Variants in RANBP17 observed in about 807,000 individuals in gnomAD.
RANBP17 encodes RAN binding protein 17.
A neutral mutation model predicts 141.2 loss-of-function variants in RANBP17; 158 were observed. The observed-to-expected ratio is 1.12, with a 90% confidence interval of 0.98 to 1.28. The LOEUF (loss-of-function observed/expected upper bound fraction) is 1.28, where lower values mean the gene tolerates loss of function less well. RANBP17 is among the 50% of genes most tolerant of loss of function. The pLI is 0.00. For missense variants in RANBP17, 1,438 were observed against 1,290.7 expected, an observed-to-expected ratio of 1.11 and a Z score of -1.75; for synonymous variants, 430 against 450.0, an observed-to-expected ratio of 0.96 and a Z score of 0.56.
At chr5:171,285,628 T>TTA (rs1398670008) in intron 25 of RANBP17, among the ~76,000 whole-genome samples, 1 of 152,228 alleles carries the variant, frequency 6.6e-6, no homozygotes, top group African/African-American at 2.4e-5. Context: ...TCTGGTTTTA[T>TTA]TTTAATGCAG....
chr5:171,088,045 G>C (rs1473285296), intron 14 of RANBP17, among the ~76,000 whole-genome samples: 1 of 151,482 alleles, frequency 6.6e-6, no homozygotes, highest in Admixed American at 6.6e-5. Context: ...AGTTGATGCA[G>C]TTTCTTCCTA....
At chr5:171,001,674 A>G (rs892827949) in intron 14 of RANBP17, among the ~76,000 whole-genome samples, 1 of 152,164 alleles carries the variant, frequency 6.6e-6, no homozygotes, top group African/African-American at 2.4e-5. Context: ...TTAAAAGACC[A>G]TTAGCCCATT....
chr5:171,003,593 A>G (rs1275178422), intron 14 of RANBP17, among the ~76,000 whole-genome samples: 3 of 152,198 alleles, frequency 2.0e-5, no homozygotes, highest in Admixed American at 6.5e-5. Flanking sequence ...CCCTTGGAGA[A>G]TTAGTGTTGA....
chr5:171,146,122 T>C (rs922630512), intron 14 of RANBP17, among the ~76,000 whole-genome samples: 24 of 152,170 alleles, frequency 1.6e-4, no homozygotes, highest in African/African-American at 5.6e-4. Context: ...GCCTTGGGCA[T>C]TGGGGTGAGG....
chr5:171,206,645 T>G (rs984991950), intron 20 of RANBP17: 22 of 177,170 alleles, frequency 1.2e-4, no homozygotes, highest in African/African-American at 4.2e-4. Context: ...TAAATTGCAA[T>G]AGAAACTTCT....
intron 14 of RANBP17, among the ~76,000 whole-genome samples, chr5:171,041,785 G>A (rs1782264569): frequency 2.0e-5 from 3 of 151,994 alleles, no homozygotes; most frequent in South Asian, 4.2e-4. Flanking sequence ...AAGATGTACA[G>A]GTTTGTTACA....
Position 171,026,322 on chromosome 5 carries a change from G to C in RANBP17, c.1710+57945G>C, listed in dbSNP as rs547295296. ...ATGTGGGGAAACAGGCTCAGAGAAG[G>C]TATTTCACTTGCTCAGTGTACACAG... On this transcript the variant is annotated intron_variant, in intron 14 of 27. Transcript: ENST00000523189. 9.2e-4 allele frequency among the ~76,000 whole-genome samples: 140 copies of C among 152,258 alleles called. 1 individual carries two copies. Among genetic ancestry groups the C allele is most frequent in the African/African-American group, 3.3e-3 (135 of 41,538 alleles).
chr5:171,181,220 C>T (rs1033514649), intron 16 of RANBP17, among the ~76,000 whole-genome samples: 6 of 151,950 alleles, frequency 3.9e-5, no homozygotes, highest in South Asian at 2.1e-4. Context: ...TGGCCAGGCA[C>T]GGTGGATCAC....
At chr5:171,019,125 T>C (rs971862471) in intron 14 of RANBP17, among the ~76,000 whole-genome samples, 3 of 152,212 alleles carry the variant, frequency 2.0e-5, no homozygotes, top group Non-Finnish European at 4.4e-5. Flanking sequence ...TCGTGGTGGA[T>C]AAGTTTTTTG....
chr5:170,959,193 C>T (rs1210827214), intron 13 of RANBP17, among the ~76,000 whole-genome samples: 1 of 152,152 alleles, frequency 6.6e-6, no homozygotes, highest in Non-Finnish European at 1.5e-5. Context: ...CCAGTCATCC[C>T]TCATTATCAA....
chr5:171,122,475 A>C lies in RANBP17; in HGVS notation c.1711-47655A>C, dbSNP rs1756109404. 2.0e-5 allele frequency among the ~76,000 whole-genome samples: 3 copies of C among 152,342 alleles called. No individual in the cohort carries two copies. The South Asian group carries it at 6.2e-4, about 32-fold the overall frequency. ...TAAAGTATAAATACACATTGAATAG[A>C]GCTTCTAGGAAAAAACACTGGAATT... On this transcript the variant is annotated intron_variant, in intron 14 of 27. Coordinates refer to ENST00000523189, the MANE Select transcript of RANBP17 (RefSeq NM_022897.5).
intron 14 of RANBP17, among the ~76,000 whole-genome samples, chr5:171,134,093 A>G (rs541052619): frequency 6.6e-6 from 1 of 152,300 alleles, no homozygotes; most frequent in East Asian, 1.9e-4. Context: ...TCCTAAATGG[A>G]ATATGCTGTT....
chr5:171,114,180 A>C (rs1260428813), intron 14 of RANBP17, among the ~76,000 whole-genome samples: 3 of 152,136 alleles, frequency 2.0e-5, no homozygotes, highest in African/African-American at 7.2e-5. Flanking sequence ...CATGTACAAA[A>C]AGTTTGAGAA....
intron 14 of RANBP17, among the ~76,000 whole-genome samples, chr5:171,121,159 G>A (rs951226433): frequency 1.3e-5 from 2 of 152,236 alleles, no homozygotes; most frequent in Non-Finnish European, 2.9e-5. Flanking sequence ...AGCTGGTGTT[G>A]GGGCTATGGG....
At chr5:171,002,820 T>A (rs1473184141) in intron 14 of RANBP17, among the ~76,000 whole-genome samples, 1 of 151,766 alleles carries the variant, frequency 6.6e-6, no homozygotes, top group African/African-American at 2.4e-5. Context: ...TATGGGGAAA[T>A]GGAGTGAATG....
chr5:171,098,510 T>C (rs1185732696), intron 14 of RANBP17, among the ~76,000 whole-genome samples: 2 of 152,240 alleles, frequency 1.3e-5, no homozygotes, highest in Admixed American at 6.5e-5. Context: ...TAAATTTGTT[T>C]AAGTTCTTTG....
At chr5:171,211,342 A>G (rs1051537855) in intron 20 of RANBP17, among the ~76,000 whole-genome samples, 1 of 151,408 alleles carries the variant, frequency 6.6e-6, no homozygotes, top group African/African-American at 2.4e-5. Flanking sequence ...GCTCACTGCA[A>G]CCTCCGCCTC....
At chr5:171,162,995 A>G (rs1759454770) in intron 14 of RANBP17, among the ~76,000 whole-genome samples, 1 of 152,228 alleles carries the variant, frequency 6.6e-6, no homozygotes, top group Non-Finnish European at 1.5e-5. Flanking sequence ...GTGGGTTCAG[A>G]TATTCTAATT....
intron 14 of RANBP17, among the ~76,000 whole-genome samples, chr5:171,156,419 T>C (rs529811091): frequency 1.7e-3 from 252 of 152,248 alleles, no homozygotes; most frequent in African/African-American, 5.7e-3. Context: ...TTTATTTAGA[T>C]GTTTTTAAAA....
Sources: gnomAD v4.1 joint callset for allele counts (sites outside exome capture counted in the v4.1 genomes callset) on GRCh38, gnomAD v4.1.1 for gene constraint, MANE v1.5 for transcripts, NCBI Gene and HGNC (gene_info 2026-07-23, HGNC 2026-07-21) for gene names.